The following CELF2 variants were observed in gnomAD, a reference collection of about 807,000 sequenced individuals.
CELF2 encodes CUGBP Elav-like family member 2.
A neutral mutation model predicts 62.6 loss-of-function variants in CELF2; 8 were observed. The ratio of observed to expected loss-of-function variants is 0.13; its 90% CI spans 0.07 to 0.23. The LOEUF (loss-of-function observed/expected upper bound fraction) is 0.23, where lower values mean the gene tolerates loss of function less well. Among genes scored for constraint, CELF2 ranks in the 10% least tolerant of loss-of-function variants. CELF2 has a pLI of 1.00. For missense variants in CELF2, 333 were observed against 671.0 expected (o/e 0.50, Z 5.56); for synonymous variants, 258 against 250.0 (o/e 1.03, Z -0.30).
the CELF2 span, among the ~76,000 whole-genome samples, chr10:10,785,140 C>A: frequency 6.6e-6 from 1 of 152,170 alleles, no homozygotes; most frequent in South Asian, 2.1e-4. Context: ...GAGTTACAGC[C>A]AATCCTCACC....
chr10:10,981,613 C>G (rs1044843167), intron 2 of CELF2, among the ~76,000 whole-genome samples: 2 of 152,198 alleles, frequency 1.3e-5, no homozygotes, highest in Non-Finnish European at 2.9e-5. Context: ...GTATTTCCAA[C>G]AGTGTTTGCC....
chr10:10,848,631 A>G (rs767491540), intron 1 of CELF2, among the ~76,000 whole-genome samples: 3 of 152,102 alleles, frequency 2.0e-5, no homozygotes, highest in Non-Finnish European at 4.4e-5. Flanking sequence ...AGTTCTGCTG[A>G]TATCTTCCCT....
chr10:10,776,963 CCAAT>C, the CELF2 span, among the ~76,000 whole-genome samples: 3 of 152,232 alleles, frequency 2.0e-5, no homozygotes, highest in Non-Finnish European at 4.4e-5. Context: ...TGCCATTCGG[CCAAT>C]CACTCACTCC....
At chr10:10,506,360 T>G in the CELF2 span, among the ~76,000 whole-genome samples, 1 of 151,792 alleles carries the variant, frequency 6.6e-6, no homozygotes, top group African/African-American at 2.4e-5. Context: ...CATTCTGAAT[T>G]TCTGTCACCA....
chr10:10,874,078 A>G (rs755146503), intron 1 of CELF2, among the ~76,000 whole-genome samples: 17 of 152,216 alleles, frequency 1.1e-4, no homozygotes, highest in Admixed American at 3.3e-4. Flanking sequence ...TGGGAGGCAG[A>G]GGCAGCCAGG....
chr10:11,136,189 C>T (rs2060410023), intron 1 of CELF2, among the ~76,000 whole-genome samples: 1 of 152,152 alleles, frequency 6.6e-6, no homozygotes, highest in Non-Finnish European at 1.5e-5. Context: ...AGCCAAATAG[C>T]AAATATTTAT....
At position 11,010,992 on chromosome 10, in the gene CELF2, G is replaced by A. The variant is rs911903314; in HGVS notation, c.53+5552G>A. 6.6e-6 allele frequency: 1 copy of A among 152,210 alleles called. No homozygotes were observed. The highest frequency in any genetic ancestry group is 2.4e-5 in the African/African-American group (1 of 41,442). 9.4% of individuals were successfully genotyped at this position (152,210 alleles called of 1,614,324 possible). ...AGAAAGCATCTAGGAAGGAAGAAAG[G>A]AAACATTTTTGAAAGTACCAATGTA... On this transcript the variant is annotated intron_variant, in intron 1 of 12. Transcript: ENST00000416382. This position sits in a 1 kb window ranked among gnomAD's most constrained non-coding sequence, Gnocchi z 4.1.
At chr10:10,780,904 G>A in the CELF2 span, among the ~76,000 whole-genome samples, 1 of 152,240 alleles carries the variant, frequency 6.6e-6, no homozygotes, top group African/African-American at 2.4e-5. Flanking sequence ...ATGCCAATGA[G>A]TATTAAGTTG....
chr10:10,795,488 T>G (rs2054089979), upstream of CELF2, among the ~76,000 whole-genome samples: 1 of 152,156 alleles, frequency 6.6e-6, no homozygotes, highest in South Asian at 2.1e-4. Context: ...TGCCTTTCTG[T>G]GTTACAGATA....
intron 9 of CELF2, among the ~76,000 whole-genome samples, chr10:11,299,078 C>T (rs1383371600): frequency 6.6e-6 from 1 of 152,230 alleles, no homozygotes; most frequent in East Asian, 1.9e-4. Context: ...GAACTTTCTA[C>T]CTACCACAAA....
the CELF2 span, among the ~76,000 whole-genome samples, chr10:10,751,178 G>C: frequency 6.6e-6 from 1 of 152,182 alleles, no homozygotes; most frequent in East Asian, 1.9e-4. Flanking sequence ...ACCTTTCTGG[G>C]ATCTTGGTTT....
the CELF2 span, among the ~76,000 whole-genome samples, chr10:10,630,728 G>A: frequency 1.3e-5 from 2 of 152,204 alleles, no homozygotes; most frequent in African/African-American, 2.4e-5. Context: ...GGAATAAGAG[G>A]AGGAATTAAC....
intron 1 of CELF2, among the ~76,000 whole-genome samples, chr10:11,111,077 T>C (rs1036442171): frequency 6.6e-6 from 1 of 152,176 alleles, no homozygotes; most frequent in African/African-American, 2.4e-5. Flanking sequence ...GCCTCTGAAG[T>C]GGGAGCTGTC....
At chr10:10,999,057 C>T (rs2136939376) in intron 2 of CELF2, among the ~76,000 whole-genome samples, 1 of 152,232 alleles carries the variant, frequency 6.6e-6, no homozygotes, top group South Asian at 2.1e-4. Context: ...TTTATCATTC[C>T]ATCTCAAGGA....
intron 8 of CELF2, among the ~76,000 whole-genome samples, chr10:11,278,042 T>G (rs2086793231): frequency 6.6e-6 from 1 of 152,246 alleles, no homozygotes; most frequent in Non-Finnish European, 1.5e-5. Context: ...CGATGAGGTT[T>G]ATAGCTAGAG....
chr10:10,723,238 C>A, the CELF2 span, among the ~76,000 whole-genome samples: 1 of 152,202 alleles, frequency 6.6e-6, no homozygotes, highest in Non-Finnish European at 1.5e-5. Context: ...GGAAGCATTG[C>A]GCTGTGAGTA....
At chr10:10,814,077 G>A (rs978177137) in intron 1 of CELF2, among the ~76,000 whole-genome samples, 10 of 152,190 alleles carry the variant, frequency 6.6e-5, no homozygotes, top group Admixed American at 5.2e-4. Flanking sequence ...GGAAGGCTCA[G>A]CACCTCTACT....
chr10:11,033,543 C>T (rs1381449533), intron 1 of CELF2, among the ~76,000 whole-genome samples: 2 of 152,214 alleles, frequency 1.3e-5, no homozygotes, highest in African/African-American at 4.8e-5. Context: ...AGGCGTAAGC[C>T]ACCATGCCTG....
chr10:10,967,940 C>A (rs879235131), intron 2 of CELF2, among the ~76,000 whole-genome samples: 2 of 149,010 alleles, frequency 1.3e-5, no homozygotes, highest in East Asian at 1.9e-4. Context: ...ACACACACAC[C>A]CCATTTTATT....
Sources: allele counts gnomAD v4.1 joint callset (sites outside exome capture counted in the v4.1 genomes callset), GRCh38; gene constraint gnomAD v4.1.1; non-coding constraint Gnocchi (gnomAD v3.1); transcripts MANE v1.5; gene names NCBI Gene and HGNC (gene_info 2026-07-23, HGNC 2026-07-21).